RDM1: variants seen among roughly 807,000 people sequenced by gnomAD.
The protein encoded by RDM1 is RAD52 motif-containing protein 1.
A neutral mutation model predicts 27.7 loss-of-function variants in RDM1; 28 were observed. The ratio of observed to expected loss-of-function variants is 1.01; its 90% CI spans 0.75 to 1.39. The LOEUF is 1.39. Ranked by LOEUF, RDM1 falls within the 40% of genes most tolerant of loss-of-function variation. The pLI, the probability that RDM1 is intolerant of heterozygous loss-of-function variation, is 0.00. For missense variants in RDM1, 277 were observed against 337.3 expected, an observed-to-expected ratio of 0.82 and a Z score of 1.40; for synonymous variants, 124 against 127.5, an observed-to-expected ratio of 0.97 and a Z score of 0.19.
Position 35,925,646 on chromosome 17 carries a change from A to T in RDM1, c.277-9T>A. On this transcript the variant is annotated splice_polypyrimidine_tract_variant and intron_variant, in intron 2 of 6. Transcript: ENST00000620284. ...CTGGTGCCAAGACGAACCTAAAATC[A>T]TAGGAGATAGACCCATAAATATCAC... 6.2e-7 allele frequency: 1 copy of T among 1,612,030 alleles called. No homozygotes were observed. Among genetic ancestry groups the T allele is most frequent in the Non-Finnish European group, 8.5e-7 (1 of 1,178,548 alleles).
rs1229462437 is a variant in RDM1, at chr17:35,925,550, A to C, written c.364T>G (p.Phe122Val). 1 of 1,613,982 alleles carries C rather than the reference A, an allele frequency of 6.2e-7. No homozygotes were observed. Among genetic ancestry groups the C allele is most frequent in the Non-Finnish European group, 8.5e-7 (1 of 1,180,022 alleles). The change falls in exon 3 of 7, where the codon TTT (phenylalanine) becomes GTT (valine). Residue 122 changes from phenylalanine to valine, a missense_variant. Physicochemically the swap from Phe to Val is conservative, Grantham distance 50 (BLOSUM62 -1). Coordinates refer to ENST00000620284, the MANE Select transcript of RDM1 (RefSeq NM_145654.4). Reference protein sequence around the residue: ...SKCQELANYYFGFNGCSKRII... With the variant: ...SKCQELANYYVGFNGCSKRII... ...CTTTTGGAACACCCATTGAAACCAAAGTAGTAATTCGCCAGTTCTTGGCAT... is the reference window on the plus strand; with the variant it reads ...CTTTTGGAACACCCATTGAAACCAACGTAGTAATTCGCCAGTTCTTGGCAT...
chr17:35,924,801 C>T, intron 3 of RDM1, 29 bp from the exon 4 acceptor site: 1 of 1,602,512 alleles, frequency 6.2e-7, no homozygotes, highest in Non-Finnish European at 8.5e-7. Flanking sequence ...TAAGGTCCTT[C>T]CTGGGGTCTT....
chr17:35,922,507 T>G (rs1250181634), intron 5 of RDM1, 70 bp downstream of exon 5: 1 of 1,570,418 alleles, frequency 6.4e-7, no homozygotes, highest in African/African-American at 1.4e-5. Context: ...TTTATTCAAT[T>G]AACTTTTCAA....
chr17:35,923,450 G>GT (rs952142761), intron 4 of RDM1, among the ~76,000 whole-genome samples: 9 of 151,754 alleles, frequency 5.9e-5, no homozygotes, highest in African/African-American at 2.2e-4. Flanking sequence ...GAGGTCAGGA[G>GT]TTTGAGAGTA....
chr17:35,924,789 T>C lies in RDM1; in HGVS notation c.400-17A>G. ...CTCCTGAAGCTGTAAGGATATTTAA[T>C]GTAAGGTCCTTCCTGGGGTCTTAAT... On this transcript the variant is annotated splice_polypyrimidine_tract_variant and intron_variant, in intron 3 of 6. Transcript: ENST00000620284. 6.2e-7 allele frequency: 1 copy of C among 1,611,372 alleles called. No individual in the cohort carries two copies. Among genetic ancestry groups the C allele is most frequent in the Non-Finnish European group, 8.5e-7 (1 of 1,178,006 alleles).
rs1437628233 is a variant in RDM1 at position 35,918,235 on chromosome 17, TG to T, written c.*106del. On this transcript the variant is annotated 3_prime_UTR_variant, in exon 7 of 7. Coordinates refer to ENST00000620284, the MANE Select transcript of RDM1 (RefSeq NM_145654.4). ...GAAAGATTTGGGCGGCCGACCCAGG[TG>T]GTTCCAGGACTCCAGCAGCCTATAG... The T allele has an allele frequency of 1.1e-6, 1 of 905,062 alleles. No individual in the cohort carries two copies. The highest frequency in any genetic ancestry group is 1.8e-6 in the Non-Finnish European group (1 of 568,182). 56.1% of individuals were successfully genotyped at this position (905,062 alleles called of 1,614,324 possible).
intron 5 of RDM1, chr17:35,922,366 A>G: frequency 3.5e-6 from 2 of 566,314 alleles, no homozygotes; most frequent in Admixed American, 3.8e-5. Flanking sequence ...GTCTTTTCAC[A>G]TCTGTAAACT....
At chr17:35,926,715 C>A (rs2089165619) in intron 2 of RDM1, among the ~76,000 whole-genome samples, 1 of 152,088 alleles carries the variant, frequency 6.6e-6, no homozygotes, top group Non-Finnish European at 1.5e-5. Context: ...AAAGTTAATT[C>A]TTTATTGATT....
chr17:35,928,516 A>G (rs1214989162), intron 2 of RDM1, among the ~76,000 whole-genome samples: 1 of 152,186 alleles, frequency 6.6e-6, no homozygotes, highest in East Asian at 1.9e-4. Flanking sequence ...TAATCCCAGC[A>G]CTTTGGGAGG....
In RDM1 at chr17:35,924,843, A is replaced by C. The variant is rs974736600; in HGVS notation, c.400-71T>G. The C allele has an allele frequency of 4.6e-6, 7 of 1,526,234 alleles. No individual in the cohort carries two copies. In the African/African-American group the frequency reaches 9.7e-5, roughly 21 times the overall value. The allele number at this position is 1,526,234 out of a possible 1,614,324, so 94.5% of individuals were successfully genotyped here. A position where few individuals can be genotyped will look rare whatever the true frequency, so the allele number is the denominator to read the frequency against. ...GGCTTCAAAATGTTTTGTTATTAAAAGTAAAAACTTGGCTGGGCGTGGTGG... is the reference window on the plus strand; with the variant it reads ...GGCTTCAAAATGTTTTGTTATTAAACGTAAAAACTTGGCTGGGCGTGGTGG... On this transcript the variant is annotated intron_variant, in intron 3 of 6. Coordinates refer to ENST00000620284, the MANE Select transcript of RDM1 (RefSeq NM_145654.4).
At chr17:35,924,904 G>A (rs2089082688) in intron 3 of RDM1, 132 bp from the exon 4 acceptor site, 2 of 740,522 alleles carry the variant, frequency 2.7e-6, no homozygotes, top group Non-Finnish European at 4.3e-6. Flanking sequence ...GGGAGGCCGA[G>A]GTGGGCGGAT....
At chr17:35,922,441 T>C (rs1033137713) in intron 5 of RDM1, 136 bp downstream of exon 5, 2 of 1,049,172 alleles carry the variant, frequency 1.9e-6, no homozygotes, top group Non-Finnish European at 2.6e-6. Flanking sequence ...AGCCTGTTGG[T>C]GTGAAATAAT....
chr17:35,927,648 TA>T (rs1198438199), intron 2 of RDM1, among the ~76,000 whole-genome samples: 4 of 152,070 alleles, frequency 2.6e-5, no homozygotes, highest in African/African-American at 9.7e-5. Flanking sequence ...GGGTGAGTAG[TA>T]ACTGAAAGCT....
intron 1 of RDM1, 73 bp downstream of exon 1, chr17:35,930,559 C>T: frequency 1.4e-6 from 2 of 1,416,406 alleles, no homozygotes; most frequent in Non-Finnish European, 2.0e-6. Flanking sequence ...GGGTCTGAGG[C>T]AGGACTCCGG....
At chr17:35,921,023 C>T (rs2088927171) in intron 5 of RDM1, among the ~76,000 whole-genome samples, 1 of 152,102 alleles carries the variant, frequency 6.6e-6, no homozygotes, top group South Asian at 2.1e-4. Flanking sequence ...TCCTTTTGAA[C>T]CAAAATTCAT....
intron 2 of RDM1, among the ~76,000 whole-genome samples, chr17:35,926,013 A>C (rs940998537): frequency 6.6e-6 from 1 of 152,094 alleles, no homozygotes; most frequent in Non-Finnish European, 1.5e-5. Context: ...ACGTGCCTGC[A>C]GTCCCAGCTA....
intron 2 of RDM1, among the ~76,000 whole-genome samples, chr17:35,928,685 C>T (rs536455042): frequency 2.6e-5 from 4 of 151,974 alleles, no homozygotes; most frequent in Non-Finnish European, 5.9e-5. Context: ...TCGCTTGAAC[C>T]CGGGAGGCGG....
chr17:35,928,398 T>A (rs755306631), intron 2 of RDM1, among the ~76,000 whole-genome samples: 1 of 152,208 alleles, frequency 6.6e-6, no homozygotes, highest in Non-Finnish European at 1.5e-5. Context: ...GTGATGATGA[T>A]GATACAGTCT....
At chr17:35,919,867 T>A (rs960141807) in intron 6 of RDM1, among the ~76,000 whole-genome samples, 3 of 152,212 alleles carry the variant, frequency 2.0e-5, no homozygotes, top group Non-Finnish European at 2.9e-5. Context: ...TCTGGGATTC[T>A]GTTTGAAGAA....
Sources: allele counts gnomAD v4.1 joint callset (sites outside exome capture counted in the v4.1 genomes callset), GRCh38; gene constraint gnomAD v4.1.1; transcripts MANE v1.5; gene names NCBI Gene and HGNC (gene_info 2026-07-23, HGNC 2026-07-21).